GRIK2: variants seen among roughly 807,000 people sequenced by gnomAD.
GRIK2 encodes glutamate ionotropic receptor kainate type subunit 2, also known as glutamate receptor ionotropic, kainate 2.
In GRIK2, 32 loss-of-function variants were observed where a neutral mutation model predicts 100.3. That is an observed-to-expected ratio of 0.32 (90% confidence interval 0.24 to 0.43). The LOEUF is 0.43. Among genes scored for constraint, GRIK2 ranks in the 20% least tolerant of loss-of-function variants. GRIK2 has a pLI of 1.00. For missense variants in GRIK2, 843 were observed against 1,114.9 expected (o/e 0.76, Z 3.47); for synonymous variants, 417 against 389.4 (o/e 1.07, Z -0.83).
At chr6:101,905,061 A>G (rs1459173922) in intron 12 of GRIK2, among the ~76,000 whole-genome samples, 1 of 151,596 alleles carries the variant, frequency 6.6e-6, no homozygotes, top group African/African-American at 2.4e-5. Context: ...TACTTTTGGA[A>G]TACAAGTATA....
chr6:101,878,017 C>A (rs540512905), intron 11 of GRIK2, among the ~76,000 whole-genome samples: 1 of 150,508 alleles, frequency 6.6e-6, no homozygotes, highest in African/African-American at 2.4e-5. Flanking sequence ...GCACACACTT[C>A]ATAGTAATGA....
intron 2 of GRIK2, among the ~76,000 whole-genome samples, chr6:101,503,903 G>T (rs1032188691): frequency 6.6e-6 from 1 of 152,094 alleles, no homozygotes; most frequent in Non-Finnish European, 1.5e-5. Context: ...GACAAGGTAG[G>T]CTTATCTAGA....
intron 2 of GRIK2, among the ~76,000 whole-genome samples, chr6:101,472,761 C>T (rs1019057185): frequency 6.6e-6 from 1 of 151,796 alleles, no homozygotes; most frequent in African/African-American, 2.4e-5. Flanking sequence ...GTTTGTTACA[C>T]TGTCCGCTTT....
At chr6:101,892,709 A>G (rs533656839) in intron 12 of GRIK2, among the ~76,000 whole-genome samples, 1 of 152,038 alleles carries the variant, frequency 6.6e-6, no homozygotes, top group East Asian at 1.9e-4. Flanking sequence ...TATTGCATTA[A>G]GTAATAATGG....
chr6:101,937,991 A>G (rs966784831), intron 14 of GRIK2, among the ~76,000 whole-genome samples: 1 of 152,070 alleles, frequency 6.6e-6, no homozygotes, highest in Non-Finnish European at 1.5e-5. Context: ...ACTAATTAGC[A>G]TCTTTGGTCA....
intron 2 of GRIK2, among the ~76,000 whole-genome samples, chr6:101,533,288 A>ACAAGAAGTGAGAAAGTCTC (rs1775531361): frequency 6.6e-6 from 1 of 152,014 alleles, no homozygotes; most frequent in East Asian, 1.9e-4. Context: ...TTACCTGACT[A>ACAAGAAGTGAGAAAGTCTC]CAAGAAGTGA....
At chr6:101,797,904 C>G (rs1780416352) in intron 7 of GRIK2, among the ~76,000 whole-genome samples, 1 of 149,970 alleles carries the variant, frequency 6.7e-6, no homozygotes, top group South Asian at 2.1e-4. Flanking sequence ...TCTAATTTAA[C>G]ACAACACCAT....
chr6:101,994,533 A>G (rs1794550176), intron 14 of GRIK2, among the ~76,000 whole-genome samples: 1 of 151,820 alleles, frequency 6.6e-6, no homozygotes, highest in Non-Finnish European at 1.5e-5. Flanking sequence ...AAATTATGTG[A>G]TTTTTAAACT....
At chr6:101,893,505 C>T (rs918446951) in intron 12 of GRIK2, among the ~76,000 whole-genome samples, 13 of 151,666 alleles carry the variant, frequency 8.6e-5, no homozygotes, top group African/African-American at 2.4e-4. Context: ...AATTTCTCAA[C>T]ATTATTAATT....
At chr6:101,938,736 G>A (rs1934672) in intron 14 of GRIK2, among the ~76,000 whole-genome samples, 5,211 of 152,114 alleles carry the variant, frequency 0.034, 320 homozygotes, top group African/African-American at 0.12. Flanking sequence ...TGTTCTGTAA[G>A]AATAAGGTAT....
chr6:101,467,992 C>T (rs1771745995), intron 2 of GRIK2, among the ~76,000 whole-genome samples: 1 of 151,570 alleles, frequency 6.6e-6, no homozygotes, highest in African/African-American at 2.4e-5. Context: ...AAGAGAGCCA[C>T]TTCAAGTCTG....
In GRIK2 at chr6:101,399,436, G is replaced by C. The variant is rs762854676; in HGVS notation, c.115+44G>C. ...CTTGGTTGCCTGGTATCCGCTCCCA[G>C]GCAGCCGGATGTAAACAGGCGGTTC... On this transcript the variant is annotated intron_variant, in intron 2 of 16. Coordinates refer to ENST00000369134, the MANE Select transcript of GRIK2 (RefSeq NM_021956.5). 3.1e-6 allele frequency: 3 copies of C among 969,906 alleles called. No individual in the cohort carries two copies. The South Asian group carries it at 3.8e-5, about 12-fold the overall frequency. The allele number at this position is 969,906 out of a possible 1,614,324, so 60.1% of individuals were successfully genotyped here. A position where few individuals can be genotyped will look rare whatever the true frequency, so the allele number is the denominator to read the frequency against.
chr6:101,988,089 T>C (rs976891384), intron 14 of GRIK2, among the ~76,000 whole-genome samples: 4 of 119,152 alleles, frequency 3.4e-5, no homozygotes, highest in East Asian at 2.4e-4. Context: ...GCCAGTATTA[T>C]AGTGTGTGTG....
chr6:101,931,689 A>C (rs1259294226), intron 14 of GRIK2, among the ~76,000 whole-genome samples: 3 of 152,088 alleles, frequency 2.0e-5, no homozygotes, highest in Non-Finnish European at 4.4e-5. Context: ...ATTACACACC[A>C]CACAGACTCT....
chr6:101,557,818 T>C (rs575687795), intron 2 of GRIK2, among the ~76,000 whole-genome samples: 24 of 152,326 alleles, frequency 1.6e-4, no homozygotes, highest in Admixed American at 1.4e-3. Context: ...ATGCCTTCTT[T>C]ATCTCTCCCT....
At chr6:101,597,473 G>C (rs192687631) in intron 2 of GRIK2, among the ~76,000 whole-genome samples, 115 of 151,714 alleles carry the variant, frequency 7.6e-4, no homozygotes, top group Non-Finnish European at 1.4e-3. Flanking sequence ...GAAAAGACAG[G>C]GTTTGGTTCA....
At chr6:101,858,479 C>T (rs1313167573) in intron 10 of GRIK2, among the ~76,000 whole-genome samples, 5 of 150,732 alleles carry the variant, frequency 3.3e-5, no homozygotes, top group Non-Finnish European at 5.9e-5. Context: ...CTCCGCCTCC[C>T]GGGTTCACGC....
At chr6:101,857,449 A>G (rs1784485219) in intron 10 of GRIK2, among the ~76,000 whole-genome samples, 1 of 152,180 alleles carries the variant, frequency 6.6e-6, no homozygotes, top group East Asian at 1.9e-4. Context: ...GGGAAGGAAG[A>G]TGAAAATAAT....
intron 9 of GRIK2, among the ~76,000 whole-genome samples, chr6:101,803,748 G>A (rs1195002390): frequency 6.6e-6 from 1 of 151,898 alleles, no homozygotes; most frequent in South Asian, 2.1e-4. Flanking sequence ...AAATGGCAGT[G>A]CTCTTCATAT....
Sources: gnomAD v4.1 joint callset for allele counts (sites outside exome capture counted in the v4.1 genomes callset) on GRCh38, gnomAD v4.1.1 for gene constraint, MANE v1.5 for transcripts, NCBI Gene and HGNC (gene_info 2026-07-23, HGNC 2026-07-21) for gene names.